Variants in B3GALT1 observed in about 807,000 individuals in gnomAD.
The protein encoded by B3GALT1 is UDP-Gal:betaGlcNAc beta 1,3-galactosyltransferase, polypeptide 1.
A neutral mutation model predicts 23.2 loss-of-function variants in B3GALT1; 10 were observed. The observed-to-expected ratio is 0.43, with a 90% CI of 0.27 to 0.73. The LOEUF (loss-of-function observed/expected upper bound fraction) is 0.73, where lower values mean the gene tolerates loss of function less well. B3GALT1 is among the 30% of genes least tolerant of loss of function. The probability of loss-of-function intolerance (pLI) is 0.21; values close to 1 mark genes in which losing one functional copy is unlikely to be tolerated. For missense variants in B3GALT1, 299 were observed against 405.4 expected (o/e 0.74, Z 2.25); for synonymous variants, 156 against 141.5 (o/e 1.10, Z -0.73).
chr2:167,472,712 C>T (rs1200688113), intron 1 of B3GALT1, among the ~76,000 whole-genome samples: 1 of 152,034 alleles, frequency 6.6e-6, no homozygotes, highest in Admixed American at 6.6e-5. Flanking sequence ...CTCATCCTTT[C>T]CTCCGCTTGC....
chr2:167,830,500 C>T (rs10199631), intron 4 of B3GALT1, among the ~76,000 whole-genome samples: 18,659 of 152,074 alleles, frequency 0.12, 1,470 homozygotes, highest in East Asian at 0.4. Context: ...AACTTGTCCA[C>T]AATTGTGAAC....
At chr2:167,547,735 G>A (rs1041535951) in intron 2 of B3GALT1, among the ~76,000 whole-genome samples, 3 of 151,240 alleles carry the variant, frequency 2.0e-5, no homozygotes, top group African/African-American at 7.3e-5. Context: ...GAGGCAGTGA[G>A]TGGCCAAGCC....
chr2:167,564,018 C>G (rs1450866018), intron 2 of B3GALT1, among the ~76,000 whole-genome samples: 1 of 150,588 alleles, frequency 6.6e-6, no homozygotes, highest in Non-Finnish European at 1.5e-5. Context: ...TCCCACCTCC[C>G]TCCCGGACGA....
chr2:167,488,883 G>A (rs183904641), intron 1 of B3GALT1, among the ~76,000 whole-genome samples: 3 of 151,264 alleles, frequency 2.0e-5, no homozygotes, highest in Non-Finnish European at 2.9e-5. Context: ...AAGATTTTTC[G>A]ATTTATCCAT....
intron 2 of B3GALT1, among the ~76,000 whole-genome samples, chr2:167,618,003 C>CTTTA (rs1271563417): frequency 6.6e-6 from 1 of 152,028 alleles, no homozygotes; most frequent in Non-Finnish European, 1.5e-5. Context: ...CTTTCTCTTA[C>CTTTA]TTTAGTTCTT....
At chr2:167,644,799 A>T (rs960949967) in intron 2 of B3GALT1, among the ~76,000 whole-genome samples, 1 of 151,094 alleles carries the variant, frequency 6.6e-6, no homozygotes, top group Non-Finnish European at 1.5e-5. Flanking sequence ...AAAAAAAAAA[A>T]AAAAAGAATT....
chr2:167,514,778 A>G (rs1375924597), intron 2 of B3GALT1, among the ~76,000 whole-genome samples: 1 of 152,192 alleles, frequency 6.6e-6, no homozygotes, highest in Non-Finnish European at 1.5e-5. Context: ...TGTCCAAGCC[A>G]TAGTCATTTC....
intron 2 of B3GALT1, among the ~76,000 whole-genome samples, chr2:167,577,989 T>G (rs1194017066): frequency 6.6e-6 from 1 of 151,966 alleles, no homozygotes; most frequent in African/African-American, 2.4e-5. Context: ...TATTAAAATC[T>G]TGCATAAATA....
At chr2:167,311,620 A>G (rs1356552744) in intron 1 of B3GALT1, among the ~76,000 whole-genome samples, 1 of 152,026 alleles carries the variant, frequency 6.6e-6, no homozygotes, top group African/African-American at 2.4e-5. Flanking sequence ...TGAGATCAAA[A>G]CTCAAACTTG....
chr2:167,560,868 C>T (rs1186087322), intron 2 of B3GALT1, among the ~76,000 whole-genome samples: 2 of 151,990 alleles, frequency 1.3e-5, no homozygotes, highest in Non-Finnish European at 2.9e-5. Context: ...GAGACTTTAA[C>T]ACCCCACTGT....
rs192028655 is a variant in B3GALT1, at chr2:167,594,299, C to T, written c.-409-52610C>T. 7.2e-5 allele frequency among the ~76,000 whole-genome samples: 11 copies of T among 152,172 alleles called. No individual in the cohort carries two copies. In the South Asian group the frequency reaches 8.3e-4, roughly 12 times the overall value. ...ACATAGTGCTCAGTAAACCATAGGT[C>T]GTTTGCTTTCACTGAATATATTGTA... is the stretch of plus-strand genomic sequence containing the variant. On this transcript the variant is annotated intron_variant, in intron 2 of 4. Coordinates refer to ENST00000392690, the MANE Select transcript of B3GALT1 (RefSeq NM_020981.4).
intron 1 of B3GALT1, among the ~76,000 whole-genome samples, chr2:167,467,576 T>A (rs1348475921): frequency 2.0e-5 from 3 of 152,180 alleles, no homozygotes; most frequent in Non-Finnish European, 4.4e-5. Context: ...TTGTGTTCCT[T>A]GTAGAGCAGG....
intron 2 of B3GALT1, among the ~76,000 whole-genome samples, chr2:167,516,101 C>T (rs1700096523): frequency 6.6e-6 from 1 of 152,032 alleles, no homozygotes. Flanking sequence ...CACGCCTCCC[C>T]CACCACCACC....
chr2:167,598,227 T>C (rs928038530), intron 2 of B3GALT1, among the ~76,000 whole-genome samples: 1 of 152,164 alleles, frequency 6.6e-6, no homozygotes, highest in African/African-American at 2.4e-5. Flanking sequence ...TTGTAAGCCA[T>C]GTTTATGTTC....
At chr2:167,475,281 G>A (rs1409219188) in intron 1 of B3GALT1, among the ~76,000 whole-genome samples, 1 of 152,022 alleles carries the variant, frequency 6.6e-6, no homozygotes, top group Non-Finnish European at 1.5e-5. Context: ...CCACCCCTAA[G>A]TCGCTTAGTA....
intron 3 of B3GALT1, among the ~76,000 whole-genome samples, chr2:167,805,476 C>CT (rs1464059984): frequency 1.3e-5 from 2 of 152,158 alleles, no homozygotes; most frequent in African/African-American, 4.8e-5. Context: ...ACATTTAAGT[C>CT]TTTAATCCAT....
intron 1 of B3GALT1, among the ~76,000 whole-genome samples, chr2:167,363,551 G>A (rs1697532743): frequency 6.6e-6 from 1 of 152,056 alleles, no homozygotes; most frequent in Admixed American, 6.5e-5. Context: ...TATTTCACAA[G>A]GAGTGGCTCA....
intron 2 of B3GALT1, among the ~76,000 whole-genome samples, chr2:167,582,482 A>G (rs1684502710): frequency 6.6e-6 from 1 of 152,216 alleles, no homozygotes; most frequent in South Asian, 2.1e-4. Flanking sequence ...TAGCTTCCAC[A>G]CACTAAGTAG....
At chr2:167,834,236 T>C (rs1226669973) in intron 4 of B3GALT1, among the ~76,000 whole-genome samples, 3 of 152,188 alleles carry the variant, frequency 2.0e-5, no homozygotes, top group East Asian at 3.9e-4. Flanking sequence ...ACTGGGTACA[T>C]GTAACAGTCT....
Sources: gnomAD v4.1 joint callset for allele counts (sites outside exome capture counted in the v4.1 genomes callset) on GRCh38, gnomAD v4.1.1 for gene constraint, MANE v1.5 for transcripts, NCBI Gene and HGNC (gene_info 2026-07-23, HGNC 2026-07-21) for gene names.